The following SLCO3A1 variants were observed in gnomAD, a reference collection of about 807,000 sequenced individuals.
SLCO3A1 encodes PGE1 transporter.
Under a neutral mutation model 63.1 loss-of-function variants are expected in SLCO3A1, and 27 were observed. The ratio of observed to expected loss-of-function variants is 0.43; its 90% confidence interval spans 0.32 to 0.59. The LOEUF (loss-of-function observed/expected upper bound fraction) is 0.59. SLCO3A1 is among the 20% of genes least tolerant of loss of function. SLCO3A1 has a pLI of 0.09. For missense variants in SLCO3A1, 773 were observed against 945.8 expected (o/e 0.82, Z 2.40); for synonymous variants, 473 against 409.9 (o/e 1.15, Z -1.86).
chr15:91,853,939 G>C lies in SLCO3A1; in HGVS notation c.31G>C (p.Gly11Arg). 2 of 1,464,960 alleles carry C rather than the reference G, an allele frequency of 1.4e-6. No homozygotes were observed. Among genetic ancestry groups the C allele is most frequent in the Non-Finnish European group, 1.8e-6 (2 of 1,101,732 alleles). 90.7% of individuals were successfully genotyped at this position (1,464,960 alleles called of 1,614,324 possible). Reference sequence around the variant, plus strand: ...GGGGAAGAAGCCGGGCGGTTCGTCGGGCGGCGGCCGGAGCGGCGAGCTGCA... The same window carrying C: ...GGGGAAGAAGCCGGGCGGTTCGTCGCGCGGCGGCCGGAGCGGCGAGCTGCA... Reference protein sequence around the residue: MQGKKPGGSSGGGRSGELQGD... With the variant: MQGKKPGGSSRGGRSGELQGD... The change falls in exon 1 of 10, where the codon GGC becomes CGC. Residue 11 changes from glycine (G) to arginine (R), a missense_variant. Gly to Arg is a moderately radical substitution (Grantham distance 125). Transcript: ENST00000318445.
At chr15:92,121,238 C>T (rs2047859607) in intron 5 of SLCO3A1, among the ~76,000 whole-genome samples, 1 of 152,192 alleles carries the variant, frequency 6.6e-6, no homozygotes, top group Non-Finnish European at 1.5e-5. Flanking sequence ...GGAATGTGGT[C>T]CTGCAGCATG....
intron 4 of SLCO3A1, among the ~76,000 whole-genome samples, chr15:92,116,605 G>T (rs942027083): frequency 6.6e-6 from 1 of 152,278 alleles, no homozygotes; most frequent in East Asian, 1.9e-4. Context: ...TGTTTGCCTG[G>T]GCCGCCCCAT....
At chr15:91,940,627 T>G (rs1483168954) in intron 2 of SLCO3A1, among the ~76,000 whole-genome samples, 6 of 152,100 alleles carry the variant, frequency 3.9e-5, no homozygotes, top group African/African-American at 1.4e-4. Flanking sequence ...CCTCTGTCAC[T>G]CAAAAAACCC....
chr15:92,088,245 A>G (rs2047430062), intron 2 of SLCO3A1, among the ~76,000 whole-genome samples: 1 of 152,230 alleles, frequency 6.6e-6, no homozygotes, highest in Non-Finnish European at 1.5e-5. Flanking sequence ...ACTGGGGCGA[A>G]ATAGGAATAT....
chr15:91,921,794 A>G (rs991425322), intron 2 of SLCO3A1, among the ~76,000 whole-genome samples: 1 of 150,992 alleles, frequency 6.6e-6, no homozygotes, highest in Non-Finnish European at 1.5e-5. Context: ...CAGTGGCGCC[A>G]TCTTGGCTCA....
At chr15:91,953,670 G>A (rs1270914501) in intron 2 of SLCO3A1, among the ~76,000 whole-genome samples, 2 of 152,274 alleles carry the variant, frequency 1.3e-5, no homozygotes, top group Non-Finnish European at 2.9e-5. Flanking sequence ...TTGGCAGTGG[G>A]AATTTCCCAC....
chr15:91,974,884 C>T (rs1901038156), intron 2 of SLCO3A1, among the ~76,000 whole-genome samples: 1 of 152,142 alleles, frequency 6.6e-6, no homozygotes, highest in African/African-American at 2.4e-5. Flanking sequence ...GCAAATCTTG[C>T]TGGCACTAGA....
chr15:92,056,783 A>G (rs1043542624), intron 2 of SLCO3A1, among the ~76,000 whole-genome samples: 3 of 152,146 alleles, frequency 2.0e-5, no homozygotes, highest in Non-Finnish European at 4.4e-5. Context: ...CAGCATGGGT[A>G]GGGTTTATGG....
intron 1 of SLCO3A1, among the ~76,000 whole-genome samples, chr15:91,871,755 T>G (rs971401275): frequency 9.5e-5 from 6 of 63,318 alleles, no homozygotes; most frequent in South Asian, 3.8e-4. Flanking sequence ...GCTCATTTTG[T>G]TTTTTTTTGG....
chr15:91,870,234 T>C (rs549682622), intron 1 of SLCO3A1, among the ~76,000 whole-genome samples: 2 of 152,326 alleles, frequency 1.3e-5, no homozygotes, highest in South Asian at 2.1e-4. Flanking sequence ...TTCTTATACA[T>C]GGAAAAATGA....
intron 2 of SLCO3A1, among the ~76,000 whole-genome samples, chr15:92,002,101 G>A (rs762000598): frequency 2.0e-5 from 3 of 152,126 alleles, no homozygotes; most frequent in Non-Finnish European, 4.4e-5. Context: ...TGAGCCCTTA[G>A]CTGCTGGAAC....
intron 2 of SLCO3A1, among the ~76,000 whole-genome samples, chr15:92,070,338 C>T (rs756693799): frequency 2.6e-5 from 4 of 152,232 alleles, no homozygotes; most frequent in African/African-American, 4.8e-5. Context: ...CTTTCAAAAA[C>T]ATGTCTTGAA....
At chr15:92,088,984 T>G (rs1331173232) in intron 2 of SLCO3A1, among the ~76,000 whole-genome samples, 1 of 151,866 alleles carries the variant, frequency 6.6e-6, no homozygotes, top group Non-Finnish European at 1.5e-5. Context: ...TGAGTCCACT[T>G]ACCCCAGCTT....
At chr15:91,997,145 C>A (rs1343035536) in intron 2 of SLCO3A1, among the ~76,000 whole-genome samples, 2 of 152,222 alleles carry the variant, frequency 1.3e-5, no homozygotes, top group Admixed American at 6.5e-5. Context: ...TAAATGACTT[C>A]TGTAAAGTTT....
Position 92,104,641 on chromosome 15 carries a change from C to T in SLCO3A1, c.1009+99C>T, listed in dbSNP as rs148769669. ...CACCCAGGACTGGGGTGCTTGGGGA[C>T]TTGGTGGAGGCAGAATAATATTGGC... On this transcript the variant is annotated intron_variant, in intron 4 of 9. Coordinates refer to ENST00000318445, the MANE Select transcript of SLCO3A1 (RefSeq NM_013272.4). 3.0e-4 allele frequency: 380 copies of T among 1,253,790 alleles called. 2 individuals carry two copies. The African/African-American group carries it at 5.3e-3, about 18-fold the overall frequency. 77.7% of individuals were successfully genotyped at this position (1,253,790 alleles called of 1,614,324 possible). A position where few individuals can be genotyped will look rare whatever the true frequency, so the allele number is the denominator to read the frequency against.
chr15:91,960,036 T>C (rs1900383118), intron 2 of SLCO3A1, among the ~76,000 whole-genome samples: 3 of 152,094 alleles, frequency 2.0e-5, no homozygotes, highest in Admixed American at 2.0e-4. Flanking sequence ...CAGGCTGGAA[T>C]GCAGTGGCAC....
At chr15:92,162,710 A>G (rs1394517102) in intron 9 of SLCO3A1, 46 bp from the exon 10 acceptor site, 3 of 1,567,150 alleles carry the variant, frequency 1.9e-6, no homozygotes, top group Non-Finnish European at 2.6e-6. Flanking sequence ...ACAGGGGAGC[A>G]CTGGCCACCA....
intron 4 of SLCO3A1, among the ~76,000 whole-genome samples, chr15:92,111,039 TGTCGC>T (rs1287520635): frequency 6.6e-6 from 1 of 152,224 alleles, no homozygotes; most frequent in Non-Finnish European, 1.5e-5. Flanking sequence ...GGCTTCATGT[TGTCGC>T]TTGTCCATCT....
At chr15:91,969,823 C>T (rs555706638) in intron 2 of SLCO3A1, among the ~76,000 whole-genome samples, 8 of 152,036 alleles carry the variant, frequency 5.3e-5, no homozygotes, top group Non-Finnish European at 1.0e-4. Flanking sequence ...TTCCTGGTGG[C>T]GGGGGCTGGT....
Sources: gnomAD v4.1 joint callset for allele counts (sites outside exome capture counted in the v4.1 genomes callset) on GRCh38, gnomAD v4.1.1 for gene constraint, MANE v1.5 for transcripts, NCBI Gene and HGNC (gene_info 2026-07-23, HGNC 2026-07-21) for gene names.